CIMIP5: variants seen among roughly 807,000 people sequenced by gnomAD.
CIMIP5 encodes the protein ciliary microtubule inner protein 5, also known as uncharacterized protein C2orf50.
At chr2:11,137,802 T>C in the CIMIP5 span, among the ~76,000 whole-genome samples, 1 of 152,194 alleles carries the variant, frequency 6.6e-6, no homozygotes, top group Non-Finnish European at 1.5e-5. Flanking sequence ...AGCAGGAGGA[T>C]ATGGGGCTTC....
chr2:11,143,061 C>T, the CIMIP5 span, among the ~76,000 whole-genome samples: 83 of 152,224 alleles, frequency 5.5e-4, no homozygotes, highest in African/African-American at 8.2e-4. Context: ...TTTACCCAAA[C>T]GCACGTTCAC....
the CIMIP5 span, chr2:11,140,374 T>TA: frequency 0.028 from 7,742 of 279,424 alleles, 315 homozygotes; most frequent in African/African-American, 0.13. Flanking sequence ...GCCTCCGTCT[T>TA]AAAAAAAAAA....
At chr2:11,144,252 G>A in the CIMIP5 span, 5 of 600,638 alleles carry the variant, frequency 8.3e-6, no homozygotes, top group Admixed American at 7.7e-5. Flanking sequence ...CTCTTCCAGG[G>A]GACCCAAGGG....
the CIMIP5 span, among the ~76,000 whole-genome samples, chr2:11,151,404 G>T: frequency 9.5e-4 from 145 of 152,340 alleles, 2 homozygotes; most frequent in African/African-American, 3.4e-3. Context: ...CAGGGGGTGA[G>T]GGTGGGGGAG....
At chr2:11,136,047 T>G in the CIMIP5 span, among the ~76,000 whole-genome samples, 1 of 152,228 alleles carries the variant, frequency 6.6e-6, no homozygotes, top group Non-Finnish European at 1.5e-5. Context: ...ATCAGAAATA[T>G]GATCTGTAAA....
At chr2:11,151,353 C>T in the CIMIP5 span, among the ~76,000 whole-genome samples, 2 of 152,232 alleles carry the variant, frequency 1.3e-5, no homozygotes, top group Non-Finnish European at 2.9e-5. Context: ...ACTGCCACCA[C>T]CAATGGCTCT....
the CIMIP5 span, among the ~76,000 whole-genome samples, chr2:11,153,676 GT>G: frequency 6.6e-6 from 1 of 152,208 alleles, no homozygotes; most frequent in Non-Finnish European, 1.5e-5. Context: ...GCTGGGCGCG[GT>G]GGCTCATGCC....
chr2:11,146,313 G>A, the CIMIP5 span, among the ~76,000 whole-genome samples: 5 of 152,176 alleles, frequency 3.3e-5, no homozygotes, highest in Non-Finnish European at 7.3e-5. Context: ...TGGTGAAGCT[G>A]GGGTTCAGAC....
the CIMIP5 span, among the ~76,000 whole-genome samples, chr2:11,149,886 G>C: frequency 6.6e-6 from 1 of 152,318 alleles, no homozygotes; most frequent in African/African-American, 2.4e-5. Context: ...CATTGTATCA[G>C]TGAGAAAGTG....
chr2:11,151,784 A>C, the CIMIP5 span, among the ~76,000 whole-genome samples: 36,992 of 152,160 alleles, frequency 0.24, 4,844 homozygotes, highest in East Asian at 0.48. Context: ...TATAGGCACA[A>C]ATCACCATGC....
chr2:11,142,681 G>A, the CIMIP5 span, among the ~76,000 whole-genome samples: 1 of 151,642 alleles, frequency 6.6e-6, no homozygotes, highest in African/African-American at 2.4e-5. Flanking sequence ...AACAGGGGCA[G>A]GAAGAGCTGA....
the CIMIP5 span, among the ~76,000 whole-genome samples, chr2:11,143,561 AAT>A: frequency 2.0e-5 from 3 of 150,994 alleles, no homozygotes; most frequent in Non-Finnish European, 4.4e-5. Context: ...CTTAAGTACA[AAT>A]TTACCAAAAA....
chr2:11,141,402 AC>A, the CIMIP5 span, among the ~76,000 whole-genome samples: 1 of 152,074 alleles, frequency 6.6e-6, no homozygotes, highest in African/African-American at 2.4e-5. Flanking sequence ...TGCTGGGATT[AC>A]AGGCATGAGC....
the CIMIP5 span, among the ~76,000 whole-genome samples, chr2:11,153,246 A>G: frequency 6.6e-6 from 1 of 152,296 alleles, no homozygotes; most frequent in African/African-American, 2.4e-5. Flanking sequence ...TGACCCCCAG[A>G]GCAGGCGGCT....
the CIMIP5 span, chr2:11,140,379 A>C: frequency 1.7e-4 from 77 of 466,500 alleles, no homozygotes; most frequent in African/African-American, 1.5e-3. Context: ...CGTCTTAAAA[A>C]AAAAAAAAAA....
At chr2:11,153,943 TTCTC>T in the CIMIP5 span, among the ~76,000 whole-genome samples, 2 of 151,058 alleles carry the variant, frequency 1.3e-5, no homozygotes, top group African/African-American at 4.9e-5. Context: ...AAAAAAGCTC[TTCTC>T]TATTTTCTTC....
chr2:11,150,698 C>T, the CIMIP5 span, among the ~76,000 whole-genome samples: 1 of 151,516 alleles, frequency 6.6e-6, no homozygotes, highest in Non-Finnish European at 1.5e-5. Context: ...TAAATCTCAA[C>T]TCCAAAATCA....
the CIMIP5 span, among the ~76,000 whole-genome samples, chr2:11,148,204 G>A: frequency 6.0e-5 from 9 of 150,772 alleles, no homozygotes; most frequent in South Asian, 1.7e-3. Flanking sequence ...CACAACCTCC[G>A]CCTACCAGGT....
At chr2:11,143,436 T>C in the CIMIP5 span, among the ~76,000 whole-genome samples, 26,378 of 150,474 alleles carry the variant, frequency 0.18, 6,674 homozygotes, top group African/African-American at 0.56. Context: ...TGAAAGGAGG[T>C]GGGGGAGGGG....
Sources: allele counts gnomAD v4.1 joint callset (sites outside exome capture counted in the v4.1 genomes callset), GRCh38; gene constraint gnomAD v4.1.1; transcripts MANE v1.5; gene names NCBI Gene and HGNC (gene_info 2026-07-23, HGNC 2026-07-21).